Variants in FMN1 observed in about 807,000 individuals in gnomAD.
FMN1 encodes formin 1.
FMN1 carries 110 observed loss-of-function variants against 132.4 expected under a neutral mutation model. The ratio of observed to expected loss-of-function variants is 0.83; its 90% CI spans 0.71 to 0.97. The LOEUF (loss-of-function observed/expected upper bound fraction) is 0.97. FMN1 is among the 50% of genes least tolerant of loss of function. FMN1 has a pLI of 0.00. For missense variants in FMN1, 1,792 were observed against 1,705.3 expected, an observed-to-expected ratio of 1.05 and a Z score of -0.90; for synonymous variants, 722 against 651.7, an observed-to-expected ratio of 1.11 and a Z score of -1.64.
At chr15:32,974,931 T>G (rs745621679) in intron 7 of FMN1, among the ~76,000 whole-genome samples, 2 of 152,228 alleles carry the variant, frequency 1.3e-5, no homozygotes, top group Non-Finnish European at 2.9e-5. Flanking sequence ...CAGACAAGCC[T>G]AAATTCTTTC....
At chr15:32,887,110 T>C (rs985487916) in intron 16 of FMN1, among the ~76,000 whole-genome samples, 3 of 152,202 alleles carry the variant, frequency 2.0e-5, no homozygotes, top group Non-Finnish European at 2.9e-5. Context: ...ATGGCTCTCT[T>C]TGCCACCGGG....
At chr15:32,931,246 G>T (rs1267794554) in intron 9 of FMN1, among the ~76,000 whole-genome samples, 1 of 152,158 alleles carries the variant, frequency 6.6e-6, no homozygotes, top group Admixed American at 6.5e-5. Context: ...GGGATTTTAA[G>T]AGGAACTGCA....
chr15:33,069,804 G>A (rs922288211), intron 5 of FMN1, among the ~76,000 whole-genome samples: 6 of 151,810 alleles, frequency 4.0e-5, no homozygotes, highest in Admixed American at 3.9e-4. Context: ...AGTATTTTTG[G>A]GAATTATTAA....
At chr15:32,782,031 A>G (rs2056681680) in intron 19 of FMN1, among the ~76,000 whole-genome samples, 1 of 152,212 alleles carries the variant, frequency 6.6e-6, no homozygotes, top group African/African-American at 2.4e-5. Flanking sequence ...TTACAGCTTA[A>G]GTGTCAAAGT....
intron 4 of FMN1, among the ~76,000 whole-genome samples, chr15:33,120,753 T>C (rs902321217): frequency 1.3e-5 from 2 of 152,192 alleles, no homozygotes; most frequent in African/African-American, 4.8e-5. Flanking sequence ...AAATTTATTC[T>C]ACCTATTACC....
intron 5 of FMN1, among the ~76,000 whole-genome samples, chr15:33,074,481 G>C (rs1477628746): frequency 6.6e-6 from 1 of 152,192 alleles, no homozygotes; most frequent in African/African-American, 2.4e-5. Flanking sequence ...CTCTTGCAAG[G>C]ACTGTGATTA....
At chr15:33,064,340 T>C (rs2037619072) in intron 6 of FMN1, 1 of 152,212 alleles carries the variant, frequency 6.6e-6, no homozygotes, top group Non-Finnish European at 1.5e-5. Context: ...TTTGGTGTCA[T>C]TTTACAGTTC....
At chr15:32,989,328 A>AG (rs1423140082) in intron 7 of FMN1, among the ~76,000 whole-genome samples, 10 of 152,198 alleles carry the variant, frequency 6.6e-5, no homozygotes, top group Admixed American at 3.9e-4. Flanking sequence ...TAAGTGCCTA[A>AG]GTCAATTCAA....
intron 5 of FMN1, among the ~76,000 whole-genome samples, chr15:33,082,043 G>C (rs1056491319): frequency 7.2e-5 from 10 of 139,680 alleles, no homozygotes; most frequent in Non-Finnish European, 1.3e-4. Flanking sequence ...GTGTGTGTGT[G>C]TGTGTGTGTG....
At chr15:33,179,533 G>A (rs916406385) in intron 3 of FMN1, among the ~76,000 whole-genome samples, 6 of 152,070 alleles carry the variant, frequency 3.9e-5, no homozygotes, top group South Asian at 2.1e-4. Context: ...TAGTGCCTAC[G>A]GCCACCGTCA....
Position 33,155,011 on chromosome 15 carries a change from A to G in FMN1, c.-97T>C. On this transcript the variant is annotated 5_prime_UTR_variant, in exon 4 of 21. Coordinates refer to ENST00000616417, the MANE Select transcript of FMN1 (RefSeq NM_001277313.2). Reference sequence around the variant, plus strand: ...GCATGTGATGGTGGCTATGCAGAGAAAGCAGCTGACAGTCATCTCCAGCAA... The same window carrying G: ...GCATGTGATGGTGGCTATGCAGAGAGAGCAGCTGACAGTCATCTCCAGCAA... The G allele has an allele frequency of 2.1e-6, 2 of 974,402 alleles. No homozygotes were observed. Among genetic ancestry groups the G allele is most frequent in the South Asian group, 3.5e-5 (2 of 57,620 alleles). The allele number at this position is 974,402 out of a possible 1,614,324, so 60.4% of individuals were successfully genotyped here.
chr15:32,937,564 T>C (rs1203766475), intron 9 of FMN1, among the ~76,000 whole-genome samples: 1 of 152,218 alleles, frequency 6.6e-6, no homozygotes, highest in Non-Finnish European at 1.5e-5. Context: ...TACCTCCCCC[T>C]TTCCCACTTT....
Position 32,776,880 on chromosome 15 carries a change from T to C in FMN1, c.4170A>G (p.Ser1390=). The part of the protein sequence containing the change: ...MAQESVSKLT[S]EKKVETKKIN... ...TTTTCTTTGTCTCCACTTTCTTCTCTGAAGTCAACTTGCTGACTGATTCCT... is the reference window on the plus strand; with the variant it reads ...TTTTCTTTGTCTCCACTTTCTTCTCCGAAGTCAACTTGCTGACTGATTCCT... The change falls in exon 20 of 21, where the codon TCA becomes TCG. Residue 1390 remains serine (S), a synonymous_variant. Coordinates refer to ENST00000616417, the MANE Select transcript of FMN1 (RefSeq NM_001277313.2). 1 of 1,597,330 alleles carries C rather than the reference T, an allele frequency of 6.3e-7. No individual in the cohort carries two copies. Among genetic ancestry groups the C allele is most frequent in the Non-Finnish European group, 8.5e-7 (1 of 1,170,442 alleles).
intron 4 of FMN1, among the ~76,000 whole-genome samples, chr15:33,119,115 A>C (rs1237910612): frequency 1.2e-4 from 18 of 152,322 alleles, no homozygotes; most frequent in Admixed American, 1.2e-3. Flanking sequence ...GCCCATAAAA[A>C]CTAGAAAGCT....
chr15:32,904,245 G>A (rs541670263), intron 12 of FMN1, among the ~76,000 whole-genome samples: 2 of 152,140 alleles, frequency 1.3e-5, no homozygotes, highest in African/African-American at 2.4e-5. Flanking sequence ...TAGGGTCCCC[G>A]GAGCCCTGTG....
chr15:33,068,569 G>A (rs958401192), intron 5 of FMN1, among the ~76,000 whole-genome samples: 4 of 152,044 alleles, frequency 2.6e-5, no homozygotes, highest in African/African-American at 9.7e-5. Context: ...ATTAAAGAAA[G>A]CAATAGATCA....
Position 33,065,085 on chromosome 15 carries a change from A to G in FMN1, c.2044-11T>C, listed in dbSNP as rs1171285475. On this transcript the variant is annotated splice_polypyrimidine_tract_variant and intron_variant, in intron 5 of 20. Transcript: ENST00000616417. ...CAGGCTGTGGTCAGGCTGTTGAAAG[A>G]GCAGGCAAATAGTAAGTGGAATGTA... 2 of 1,582,898 alleles carry G rather than the reference A, an allele frequency of 1.3e-6. No individual in the cohort carries two copies. The highest frequency in any genetic ancestry group is 1.3e-5 in the African/African-American group (1 of 74,224).
chr15:33,000,257 G>A (rs1366533985), intron 7 of FMN1, among the ~76,000 whole-genome samples: 4 of 152,156 alleles, frequency 2.6e-5, no homozygotes, highest in South Asian at 2.1e-4. Flanking sequence ...AGACTATGCC[G>A]GCTAACACGG....
chr15:32,993,760 T>C (rs1189350693), intron 7 of FMN1, among the ~76,000 whole-genome samples: 1 of 152,128 alleles, frequency 6.6e-6, no homozygotes, highest in Non-Finnish European at 1.5e-5. Flanking sequence ...AGAAAGGTAA[T>C]GCTTGTTGTC....
Sources: gnomAD v4.1 joint callset for allele counts (sites outside exome capture counted in the v4.1 genomes callset) on GRCh38, gnomAD v4.1.1 for gene constraint, MANE v1.5 for transcripts, NCBI Gene and HGNC (gene_info 2026-07-23, HGNC 2026-07-21) for gene names.